Variants in NOBOX observed in about 807,000 individuals in gnomAD.
NOBOX encodes the protein NOBOX oogenesis homeobox.
In NOBOX, 46 loss-of-function variants were observed where a neutral mutation model predicts 60.2. The ratio of observed to expected loss-of-function variants is 0.76; its 90% CI spans 0.60 to 0.98. The LOEUF is 0.98. NOBOX is among the 50% of genes least tolerant of loss of function. The probability of loss-of-function intolerance (pLI) is 0.00; values close to 1 mark genes in which losing one functional copy is unlikely to be tolerated. For missense variants in NOBOX, 880 were observed against 865.5 expected (o/e 1.02, Z -0.21); for synonymous variants, 360 against 346.3 (o/e 1.04, Z -0.44).
At position 144,399,068 on chromosome 7, in the gene NOBOX, C is replaced by G; in HGVS notation, c.1351G>C (p.Ala451Pro). The change falls in exon 8 of 10, where the codon GCC becomes CCC. Residue 451 changes from alanine (A) to proline (P), a missense_variant. Ala to Pro is a conservative substitution (Grantham distance 27). Transcript: ENST00000467773. ...GGGCCAAGGGGGAAAGGAAGATCGGCCCTTCGCACAGGTGGGGGGCTGAAG... is the reference window on the plus strand; with the variant it reads ...GGGCCAAGGGGGAAAGGAAGATCGGGCCTTCGCACAGGTGGGGGGCTGAAG... 1.3e-6 allele frequency: 2 copies of G among 1,513,558 alleles called. No individual in the cohort carries two copies. Among genetic ancestry groups the G allele is most frequent in the East Asian group, 4.5e-5 (2 of 44,278 alleles). 93.8% of individuals were successfully genotyped at this position (1,513,558 alleles called of 1,614,324 possible). A position where few individuals can be genotyped will look rare whatever the true frequency, so the allele number is the denominator to read the frequency against.
At chr7:144,398,169 G>T in intron 9 of NOBOX, 113 bp downstream of exon 7, 2 of 898,330 alleles carry the variant, frequency 2.2e-6, no homozygotes, top group Non-Finnish European at 3.5e-6. Flanking sequence ...CAAACAGAAG[G>T]ATTCATTCAC....
At chr7:144,397,032 A>AC (rs569348531), downstream of NOBOX, among the ~76,000 whole-genome samples, 420 of 152,046 alleles carry the variant, frequency 2.8e-3, 3 homozygotes, top group African/African-American at 9.4e-3. Flanking sequence ...TTCCTTCAGG[A>AC]CCCCCACACA....
At chr7:144,409,395 C>T (rs2054007077) in intron 1 of NOBOX, among the ~76,000 whole-genome samples, 1 of 152,188 alleles carries the variant, frequency 6.6e-6, no homozygotes. Context: ...TCTCATCAAA[C>T]AACAGTATCG....
intron 1 of NOBOX, among the ~76,000 whole-genome samples, chr7:144,406,399 A>G (rs2053985967): frequency 6.6e-6 from 1 of 152,130 alleles, no homozygotes; most frequent in Non-Finnish European, 1.5e-5. Flanking sequence ...CTCTACTAAA[A>G]ATACAAAATT....
At chr7:144,409,231 C>A (rs184897134) in intron 1 of NOBOX, among the ~76,000 whole-genome samples, 1 of 152,278 alleles carries the variant, frequency 6.6e-6, no homozygotes, top group Admixed American at 6.5e-5. Context: ...TAAATGATAT[C>A]TACACCTTTA....
rs538752866 is a variant in NOBOX, at chr7:144,401,560, G to C, written c.330C>G (p.Pro110=). 2 of 1,510,988 alleles carry C rather than the reference G, an allele frequency of 1.3e-6. No homozygotes were observed. The highest frequency in any genetic ancestry group is 1.8e-6 in the Non-Finnish European group (2 of 1,136,016). The allele number at this position is 1,510,988 out of a possible 1,614,324, so 93.6% of individuals were successfully genotyped here. Residue 110 remains proline, a synonymous_variant, in exon 4 of 10, where the codon CCC becomes CCG. Coordinates refer to ENST00000467773, the MANE Select transcript of NOBOX (RefSeq NM_001080413.3). The surrounding 1 kb of genome is among the most constrained non-coding windows in gnomAD (Gnocchi z 4.2). ...AGCCCCGGAGCAGTTCCTCCTCCCC[G>C]GGTCCTGCAGCCAGGGGCTTCTCTC...
At position 144,401,482 on chromosome 7, in the gene NOBOX, G is replaced by A; in HGVS notation, c.408C>T (p.Thr136=). 6.5e-7 allele frequency: 1 copy of A among 1,544,676 alleles called. No homozygotes were observed. The highest frequency in any genetic ancestry group is 1.4e-5 in the African/African-American group (1 of 72,688). The change falls in exon 4 of 10, where the codon ACC becomes ACT. Residue 136 remains threonine (T), a synonymous_variant. Coordinates refer to ENST00000467773, the MANE Select transcript of NOBOX (RefSeq NM_001080413.3). The surrounding 1 kb of genome is among the most constrained non-coding windows in gnomAD (Gnocchi z 4.2). ...CTGGCGGCTTCTTCTCTCCTGAGAT[G>A]GTGCAGGAGGGTGGCAGTTCCTCAC...
Position 144,398,931 on chromosome 7 carries a change from ACCC to A in NOBOX, c.1469+16_1469+18del. ...CCCACCCAGATAACTAGAGTGACCT[ACCC>A]CCGTAGGTTCCTTACCTTGTCCCCC... On this transcript the variant is annotated intron_variant, in intron 8 of 9. Transcript: ENST00000467773. 1 of 1,398,904 alleles carries A rather than the reference ACCC, an allele frequency of 7.1e-7. No homozygotes were observed. Among genetic ancestry groups the A allele is most frequent in the Non-Finnish European group, 9.9e-7 (1 of 1,008,068 alleles). The allele number at this position is 1,398,904 out of a possible 1,614,324, so 86.7% of individuals were successfully genotyped here.
chr7:144,397,233 C>A (rs745894153), downstream of NOBOX: 1 of 1,522,330 alleles, frequency 6.6e-7, no homozygotes, highest in Non-Finnish European at 8.8e-7. Context: ...ACTCTTTGAC[C>A]CCCCAACTAG....
At chr7:144,406,852 T>C (rs1219213046) in intron 1 of NOBOX, among the ~76,000 whole-genome samples, 4 of 152,218 alleles carry the variant, frequency 2.6e-5, no homozygotes, top group Non-Finnish European at 1.5e-5. Context: ...CTCAATTATA[T>C]AGAGGACAAC....
rs1199312133 is a variant in NOBOX, at chr7:144,409,438, A to AT, written c.85+704dup. Among the ~76,000 whole-genome samples the AT allele has an allele frequency of 2.6e-5, 4 of 152,144 alleles. 1 individual carries two copies. The East Asian group carries it at 7.7e-4, about 29-fold the overall frequency. Reference sequence around the variant, plus strand: ...ACAATTTGGCACATTTCCTCACAGCATTTTTTCCATTATTGCTGTTTTGTA... The same window carrying AT: ...ACAATTTGGCACATTTCCTCACAGCATTTTTTTCCATTATTGCTGTTTTGTA... On this transcript the variant is annotated intron_variant, in intron 1 of 9. Transcript: ENST00000467773.
Position 144,401,791 on chromosome 7 carries a change from CT to C in NOBOX, c.292+77del. On this transcript the variant is annotated intron_variant, in intron 3 of 9. Transcript: ENST00000467773. This position sits in a 1 kb window ranked among gnomAD's most constrained non-coding sequence, Gnocchi z 4.2. ...AGGATTAAATCAGATAACCCAACTT[CT>C]TTGAAAAATGTAGACAAATTTATGC... 8.2e-7 allele frequency: 1 copy of C among 1,212,576 alleles called. No individual in the cohort carries two copies. The highest frequency in any genetic ancestry group is 1.4e-5 in the South Asian group (1 of 72,258). 75.1% of individuals were successfully genotyped at this position (1,212,576 alleles called of 1,614,324 possible).
Position 144,399,097 on chromosome 7 carries a change from G to C in NOBOX, c.1322C>G (p.Pro441Arg), listed in dbSNP as rs767702371. 1 of 1,229,430 alleles carries C rather than the reference G, an allele frequency of 8.1e-7. No individual in the cohort carries two copies. The highest frequency in any genetic ancestry group is 1.2e-5 in the South Asian group (1 of 80,626). 76.2% of individuals were successfully genotyped at this position (1,229,430 alleles called of 1,614,324 possible). A position where few individuals can be genotyped will look rare whatever the true frequency, so the allele number is the denominator to read the frequency against. The change falls in exon 8 of 10, where the codon CCA becomes CGA. Residue 441 changes from proline to arginine, a missense_variant. By Grantham distance (103) the Pro-to-Arg change is moderately radical (BLOSUM62 -2). Coordinates refer to ENST00000467773, the MANE Select transcript of NOBOX (RefSeq NM_001080413.3). ...TCGCACAGGTGGGGGGCTGAAGAGT[G>C]GGGGGGTCACCACCCTCTGAGCACC...
intron 2 of NOBOX, among the ~76,000 whole-genome samples, chr7:144,403,455 G>A (rs994795491): frequency 3.7e-4 from 57 of 152,094 alleles, no homozygotes; most frequent in Non-Finnish European, 7.2e-4. Context: ...GGGCGCGGGG[G>A]AGCGGGGAGG....
chr7:144,402,534 T>C (rs970678084), intron 2 of NOBOX, among the ~76,000 whole-genome samples: 1 of 152,116 alleles, frequency 6.6e-6, no homozygotes, highest in African/African-American at 2.4e-5. Context: ...ACGTACTCTG[T>C]GTACTTAATC....
chr7:144,401,226 C>A lies in NOBOX; in HGVS notation c.664G>T (p.Ala222Ser). The change falls in exon 4 of 10, where the codon GCC becomes TCC. Residue 222 changes from alanine to serine, a missense_variant. Transcript: ENST00000467773. This position sits in a 1 kb window ranked among gnomAD's most constrained non-coding sequence, Gnocchi z 4.2. The stretch of plus-strand genomic sequence containing the variant: ...TGTGTGGCACGGGCTGAGTTAGGGG[C>A]ACCCGGAGATGATGTTGGGGCCAGA... 1.2e-6 allele frequency: 2 copies of A among 1,613,590 alleles called. No individual in the cohort carries two copies. The highest frequency in any genetic ancestry group is 1.7e-6 in the Non-Finnish European group (2 of 1,179,730).
Position 144,399,426 on chromosome 7 carries a change from G to T in NOBOX, c.1211C>A (p.Pro404His), listed in dbSNP as rs867548557. The T allele has an allele frequency of 6.3e-7, 1 of 1,588,410 alleles. No homozygotes were observed. Among genetic ancestry groups the T allele is most frequent in the East Asian group, 2.3e-5 (1 of 43,896 alleles). Residue 404 changes from proline (P) to histidine (H), a missense_variant, in exon 7 of 10, where the codon CCT becomes CAT. By Grantham distance (77) the Pro-to-His change is moderately conservative. Coordinates refer to ENST00000467773, the MANE Select transcript of NOBOX (RefSeq NM_001080413.3). Reference sequence around the variant, plus strand: ...AAAGGTATCCAGAGGGGACTCCTGAGGGAAAGGGTCAGGCTTTGGCTCCAT... The same window carrying T: ...AAAGGTATCCAGAGGGGACTCCTGATGGAAAGGGTCAGGCTTTGGCTCCAT...
At chr7:144,398,236 A>G in intron 9 of NOBOX, 46 bp downstream of exon 7, 1 of 1,517,690 alleles carries the variant, frequency 6.6e-7, no homozygotes, top group Non-Finnish European at 8.8e-7. Flanking sequence ...GTCCCCTCCC[A>G]CCTTCCTCAA....
rs981147590 is a variant in NOBOX, at chr7:144,398,350, G to T, written c.1706C>A (p.Thr569Lys). The change falls in exon 9 of 10, where the codon ACA becomes AAA. Residue 569 changes from threonine to lysine, a missense_variant. Transcript: ENST00000467773. ...GGCACCTGGGCAATAGCCCTGCGAT[G>T]TGCCCCCGCTGGGGCCACAGGGAAA... The T allele has an allele frequency of 6.5e-7, 1 of 1,537,136 alleles. No homozygotes were observed. The highest frequency in any genetic ancestry group is 8.7e-7 in the Non-Finnish European group (1 of 1,146,880).
Sources: allele counts gnomAD v4.1 joint callset (sites outside exome capture counted in the v4.1 genomes callset), GRCh38; gene constraint gnomAD v4.1.1; non-coding constraint Gnocchi (gnomAD v3.1); transcripts MANE v1.5; gene names NCBI Gene and HGNC (gene_info 2026-07-23, HGNC 2026-07-21).